The following TBX21 variants were observed in gnomAD, a reference collection of about 807,000 sequenced individuals.
TBX21 encodes the protein T-box transcription factor 21, also known as T-box transcription factor TBX21.
TBX21 carries 11 observed loss-of-function variants against 52.2 expected under a neutral mutation model. That is an observed-to-expected ratio of 0.21 (90% CI 0.13 to 0.35). The LOEUF is 0.35. TBX21 is among the 10% of genes least tolerant of loss of function. The pLI is 1.00. For missense variants in TBX21, 625 were observed against 755.1 expected, an observed-to-expected ratio of 0.83 and a Z score of 2.02; for synonymous variants, 300 against 316.1, an observed-to-expected ratio of 0.95 and a Z score of 0.54.
Position 47,744,898 on chromosome 17 carries a change from G to T in TBX21, c.1140G>T (p.Val380=). The T allele has an allele frequency of 6.2e-7, 1 of 1,614,210 alleles. No individual in the cohort carries two copies. The highest frequency in any genetic ancestry group is 8.5e-7 in the Non-Finnish European group (1 of 1,180,036). The change falls in exon 6 of 6, where the codon GTG becomes GTT. Residue 380 remains valine, a synonymous_variant. Coordinates refer to ENST00000177694, the MANE Select transcript of TBX21 (RefSeq NM_013351.2). ...YPDLPGQAKD[V]VPQAYWLGAP... ...ACCTTCCTGGCCAGGCGAAGGATGT[G>T]GTTCCCCAGGCTTACTGGCTGGGGG...
rs1369004211 is a variant in TBX21, at chr17:47,742,531, T to C, written c.492-79T>C. ...GAAGCCGGCTACAGCACACCACTGATGCCTGGGCACTGTTGCAGGGGGGAC... is the reference window on the plus strand; with the variant it reads ...GAAGCCGGCTACAGCACACCACTGACGCCTGGGCACTGTTGCAGGGGGGAC... On this transcript the variant is annotated intron_variant, in intron 1 of 5. Coordinates refer to ENST00000177694, the MANE Select transcript of TBX21 (RefSeq NM_013351.2). This position sits in a 1 kb window ranked among gnomAD's most constrained non-coding sequence, Gnocchi z 4.4. The C allele has an allele frequency of 4.1e-6, 6 of 1,476,078 alleles. No homozygotes were observed. In the East Asian group the frequency reaches 1.2e-4, roughly 29 times the overall value. The allele number at this position is 1,476,078 out of a possible 1,614,324, so 91.4% of individuals were successfully genotyped here.
In TBX21 at chr17:47,742,879, C is replaced by T; in HGVS notation, c.646+115C>T. 6.8e-7 allele frequency: 1 copy of T among 1,466,070 alleles called. No homozygotes were observed. The highest frequency in any genetic ancestry group is 1.4e-5 in the African/African-American group (1 of 71,086). The allele number at this position is 1,466,070 out of a possible 1,614,324, so 90.8% of individuals were successfully genotyped here. ...GACCTTTAACCCCCTCCCACTCCATCCCACGCCATTGCATCCCTCCTGTTT... is the reference window on the plus strand; with the variant it reads ...GACCTTTAACCCCCTCCCACTCCATTCCACGCCATTGCATCCCTCCTGTTT... On this transcript the variant is annotated intron_variant, in intron 2 of 5. Transcript: ENST00000177694. The surrounding 1 kb of genome is among the most constrained non-coding windows in gnomAD (Gnocchi z 4.4).
In TBX21 at chr17:47,733,543, A is replaced by G. The variant is rs1035630854; in HGVS notation, c.89A>G (p.Asp30Gly). The G allele has an allele frequency of 6.7e-7, 1 of 1,489,606 alleles. No individual in the cohort carries two copies. The highest frequency in any genetic ancestry group is 8.9e-7 in the Non-Finnish European group (1 of 1,126,626). The allele number at this position is 1,489,606 out of a possible 1,614,324, so 92.3% of individuals were successfully genotyped here. The change falls in exon 1 of 6, where the codon GAC becomes GGC. Residue 30 changes from aspartate (D) to glycine (G), a missense_variant. Asp to Gly is a moderately conservative substitution (Grantham distance 94). Coordinates refer to ENST00000177694, the MANE Select transcript of TBX21 (RefSeq NM_013351.2). This position sits in a 1 kb window ranked among gnomAD's most constrained non-coding sequence, Gnocchi z 6.6. ...GSDEGRAPGA[D>G]PQHRYFYPEP... ...GACGAGGGCCGGGCGCCTGGCGCCG[A>G]CCCGCAGCACCGCTACTTCTACCCG...
In TBX21 at chr17:47,742,567, GC is replaced by G; in HGVS notation, c.492-42del. On this transcript the variant is annotated intron_variant, in intron 1 of 5. Transcript: ENST00000177694. This position sits in a 1 kb window ranked among gnomAD's most constrained non-coding sequence, Gnocchi z 4.4. The stretch of plus-strand genomic sequence containing the variant: ...TGTTGCAGGGGGGACTGGCTGTCAA[GC>G]TGGAGCTGATGGGTGCTGGGGGCTT... 6.5e-7 allele frequency: 1 copy of G among 1,548,736 alleles called. No homozygotes were observed. Among genetic ancestry groups the G allele is most frequent in the Non-Finnish European group, 8.7e-7 (1 of 1,143,294 alleles).
At chr17:47,734,554 G>GGT (rs55690005) in intron 1 of TBX21, among the ~76,000 whole-genome samples, 6,054 of 102,866 alleles carry the variant, frequency 0.059, 283 homozygotes, top group East Asian at 0.067. Flanking sequence ...TCATATGTCT[G>GGT]GTGTGTGTGT....
At chr17:47,741,655 G>C (rs2032267968) in intron 1 of TBX21, among the ~76,000 whole-genome samples, 1 of 152,132 alleles carries the variant, frequency 6.6e-6, no homozygotes, top group Admixed American at 6.5e-5. Flanking sequence ...GGGTGTCATG[G>C]GTCTGGGAGT....
At chr17:47,740,823 A>T (rs2032260180) in intron 1 of TBX21, among the ~76,000 whole-genome samples, 1 of 152,184 alleles carries the variant, frequency 6.6e-6, no homozygotes, top group Non-Finnish European at 1.5e-5. Flanking sequence ...AGGGGAAGAC[A>T]GGCGTGTGAC....
rs952949570 is a variant in TBX21, at chr17:47,733,573, C to G, written c.119C>G (p.Pro40Arg). Reference sequence around the variant, plus strand: ...CAGCACCGCTACTTCTACCCGGAGCCGGGCGCGCAGGACGCGGACGAGCGT... The same window carrying G: ...CAGCACCGCTACTTCTACCCGGAGCGGGGCGCGCAGGACGCGGACGAGCGT... ...DPQHRYFYPEPGAQDADERRG... is the reference protein window; with the variant it reads ...DPQHRYFYPERGAQDADERRG... Residue 40 changes from proline to arginine, a missense_variant, in exon 1 of 6, where the codon CCG becomes CGG. Pro to Arg is a moderately radical substitution (Grantham distance 103). Coordinates refer to ENST00000177694, the MANE Select transcript of TBX21 (RefSeq NM_013351.2). This position sits in a 1 kb window ranked among gnomAD's most constrained non-coding sequence, Gnocchi z 6.6. 4.8e-6 allele frequency: 7 copies of G among 1,470,840 alleles called. No homozygotes were observed. The highest frequency in any genetic ancestry group is 2.3e-4 in the Middle Eastern group (1 of 4,442). 91.1% of individuals were successfully genotyped at this position (1,470,840 alleles called of 1,614,324 possible).
In TBX21 at chr17:47,744,993, C is replaced by A. The variant is rs1395023224; in HGVS notation, c.1235C>A (p.Ala412Asp). The part of the protein sequence containing the change: ...VSMKPAFLPS[A>D]PGPTMSYYRG... The stretch of plus-strand genomic sequence containing the variant: ...ATGAAGCCTGCATTCTTGCCCTCTG[C>A]CCCTGGGCCCACCATGTCCTACTAC... Residue 412 changes from alanine to aspartate, a missense_variant, in exon 6 of 6, where the codon GCC becomes GAC. Physicochemically the swap from Ala to Asp is moderately radical, Grantham distance 126. This residue lies in a region of TBX21 where 261 missense variants were observed against 275.1 expected (regional missense o/e 0.95). Transcript: ENST00000177694. 1 of 1,613,132 alleles carries A rather than the reference C, an allele frequency of 6.2e-7. No individual in the cohort carries two copies. Among genetic ancestry groups the A allele is most frequent in the Non-Finnish European group, 8.5e-7 (1 of 1,180,030 alleles).
rs1597985365 is a variant in TBX21 at position 47,742,852 on chromosome 17, T to G, written c.646+88T>G. Reference sequence around the variant, plus strand: ...CCACCAAGCCCCTACCCCTAATTCCTAGACCTTTAACCCCCTCCCACTCCA... The same window carrying G: ...CCACCAAGCCCCTACCCCTAATTCCGAGACCTTTAACCCCCTCCCACTCCA... On this transcript the variant is annotated intron_variant, in intron 2 of 5. Transcript: ENST00000177694. The surrounding 1 kb of genome is among the most constrained non-coding windows in gnomAD (Gnocchi z 4.4). The G allele has an allele frequency of 1.4e-6, 2 of 1,479,054 alleles. No individual in the cohort carries two copies. The highest frequency in any genetic ancestry group is 1.8e-6 in the Non-Finnish European group (2 of 1,114,726). 91.6% of individuals were successfully genotyped at this position (1,479,054 alleles called of 1,614,324 possible).
chr17:47,734,662 G>A (rs1056568836), intron 1 of TBX21, among the ~76,000 whole-genome samples: 9 of 148,370 alleles, frequency 6.1e-5, no homozygotes, highest in African/African-American at 2.3e-4. Context: ...AGCTTGTAGG[G>A]GGCACAGATC....
intron 1 of TBX21, among the ~76,000 whole-genome samples, chr17:47,737,877 G>A (rs182773738): frequency 5.8e-4 from 88 of 152,086 alleles, no homozygotes; most frequent in African/African-American, 2.0e-3. Context: ...CCCCCGCCTC[G>A]GCCTCTCAAA....
Position 47,742,563 on chromosome 17 carries a change from T to G in TBX21, c.492-47T>G. ...GCACTGTTGCAGGGGGGACTGGCTGTCAAGCTGGAGCTGATGGGTGCTGGG... is the reference window on the plus strand; with the variant it reads ...GCACTGTTGCAGGGGGGACTGGCTGGCAAGCTGGAGCTGATGGGTGCTGGG... On this transcript the variant is annotated intron_variant, in intron 1 of 5. Transcript: ENST00000177694. This position sits in a 1 kb window ranked among gnomAD's most constrained non-coding sequence, Gnocchi z 4.4. 6.5e-7 allele frequency: 1 copy of G among 1,537,128 alleles called. No homozygotes were observed. The highest frequency in any genetic ancestry group is 2.3e-5 in the East Asian group (1 of 43,338).
At position 47,733,838 on chromosome 17, in the gene TBX21, C is replaced by G. The variant is rs775477974; in HGVS notation, c.384C>G (p.Pro128=). 11 of 1,609,674 alleles carry G rather than the reference C, an allele frequency of 6.8e-6. No individual in the cohort carries two copies. The highest frequency in any genetic ancestry group is 1.3e-5 in the African/African-American group (1 of 74,864). ...GGCCGCGTGAGGACTACGCGCTACC[C>G]GCGGGACTGGAGGTGTCGGGGAAAC... ...YPGPREDYAL[P]AGLEVSGKLR... Residue 128 remains proline, a synonymous_variant, in exon 1 of 6, where the codon CCC becomes CCG. Coordinates refer to ENST00000177694, the MANE Select transcript of TBX21 (RefSeq NM_013351.2). This position sits in a 1 kb window ranked among gnomAD's most constrained non-coding sequence, Gnocchi z 6.6.
At position 47,745,490 on chromosome 17, in the gene TBX21, T is replaced by G; in HGVS notation, c.*124T>G. The G allele has an allele frequency of 2.2e-6, 3 of 1,394,710 alleles. No individual in the cohort carries two copies. The highest frequency in any genetic ancestry group is 2.9e-6 in the Non-Finnish European group (3 of 1,047,420). 86.4% of individuals were successfully genotyped at this position (1,394,710 alleles called of 1,614,324 possible). On this transcript the variant is annotated 3_prime_UTR_variant, in exon 6 of 6. Transcript: ENST00000177694. ...CTCTGGCCCTTCTCTGTTTAGTAGTTGGTTGGGGAAGTGGGGCTCAAGAAG... is the reference window on the plus strand; with the variant it reads ...CTCTGGCCCTTCTCTGTTTAGTAGTGGGTTGGGGAAGTGGGGCTCAAGAAG...
At chr17:47,738,548 A>G (rs771960961) in intron 1 of TBX21, among the ~76,000 whole-genome samples, 2 of 152,060 alleles carry the variant, frequency 1.3e-5, no homozygotes, top group South Asian at 2.1e-4. Context: ...GCCCACACCA[A>G]TAGTCTATGA....
intron 1 of TBX21, among the ~76,000 whole-genome samples, chr17:47,741,985 G>C (rs1311671700): frequency 6.6e-6 from 1 of 152,142 alleles, no homozygotes; most frequent in East Asian, 1.9e-4. Context: ...CCTCCATGCA[G>C]CTGCGATAGA....
chr17:47,742,866 C>T lies in TBX21; in HGVS notation c.646+102C>T. 6.8e-7 allele frequency: 1 copy of T among 1,465,542 alleles called. No individual in the cohort carries two copies. Among genetic ancestry groups the T allele is most frequent in the Non-Finnish European group, 9.0e-7 (1 of 1,106,922 alleles). The allele number at this position is 1,465,542 out of a possible 1,614,324, so 90.8% of individuals were successfully genotyped here. On this transcript the variant is annotated intron_variant, in intron 2 of 5. Coordinates refer to ENST00000177694, the MANE Select transcript of TBX21 (RefSeq NM_013351.2). This position sits in a 1 kb window ranked among gnomAD's most constrained non-coding sequence, Gnocchi z 4.4. ...CCCCTAATTCCTAGACCTTTAACCC[C>T]CTCCCACTCCATCCCACGCCATTGC...
chr17:47,734,554 G>GGTGT (rs55690005), intron 1 of TBX21, among the ~76,000 whole-genome samples: 3,843 of 102,802 alleles, frequency 0.037, 163 homozygotes, highest in East Asian at 0.061. Flanking sequence ...TCATATGTCT[G>GGTGT]GTGTGTGTGT....
Sources: allele counts gnomAD v4.1 joint callset (sites outside exome capture counted in the v4.1 genomes callset), GRCh38; gene constraint gnomAD v4.1.1; regional missense constraint gnomAD v4.1.1; non-coding constraint Gnocchi (gnomAD v3.1); transcripts MANE v1.5; gene names NCBI Gene and HGNC (gene_info 2026-07-23, HGNC 2026-07-21).